NRG3: variants seen among roughly 807,000 people sequenced by gnomAD.
NRG3 encodes the protein pro-neuregulin-3, membrane-bound isoform.
In NRG3, 31 loss-of-function variants were observed where a neutral mutation model predicts 66.9. The observed-to-expected ratio is 0.46, with a 90% confidence interval of 0.35 to 0.63. The LOEUF (loss-of-function observed/expected upper bound fraction) is 0.63, where lower values mean the gene tolerates loss of function less well. Ranked by LOEUF, NRG3 falls within the 20% of genes least tolerant of loss-of-function variation. The probability of loss-of-function intolerance (pLI) is 0.00; values close to 1 mark genes in which losing one functional copy is unlikely to be tolerated. For missense variants in NRG3, 910 were observed against 878.9 expected, an observed-to-expected ratio of 1.04 and a Z score of -0.45; for synonymous variants, 393 against 359.4, an observed-to-expected ratio of 1.09 and a Z score of -1.06.
intron 4 of NRG3, among the ~76,000 whole-genome samples, chr10:82,874,157 G>A (rs953917094): frequency 6.6e-6 from 1 of 152,022 alleles, no homozygotes. Flanking sequence ...ATCCTCTTGT[G>A]TAAAGAAAAT....
intron 1 of NRG3, among the ~76,000 whole-genome samples, chr10:82,100,647 G>T (rs1338447122): frequency 6.6e-6 from 1 of 152,012 alleles, no homozygotes; most frequent in East Asian, 1.9e-4. Flanking sequence ...ATTTAACTTA[G>T]TCTCTTACTA....
intron 4 of NRG3, among the ~76,000 whole-genome samples, chr10:82,913,303 A>G (rs1422415250): frequency 6.6e-6 from 1 of 152,226 alleles, no homozygotes; most frequent in Non-Finnish European, 1.5e-5. Flanking sequence ...TCACTTATTC[A>G]TAAACTATAA....
chr10:82,006,983 G>A (rs2061396868), intron 1 of NRG3, among the ~76,000 whole-genome samples: 1 of 152,090 alleles, frequency 6.6e-6, no homozygotes, highest in African/African-American at 2.4e-5. Flanking sequence ...GATTTGGTTA[G>A]AATTGCTTTG....
At chr10:82,064,945 A>C (rs2064368042) in intron 1 of NRG3, among the ~76,000 whole-genome samples, 1 of 152,250 alleles carries the variant, frequency 6.6e-6, no homozygotes. Flanking sequence ...TGCACACATA[A>C]AGAATTTCAT....
intron 2 of NRG3, among the ~76,000 whole-genome samples, chr10:82,394,716 G>A (rs138817231): frequency 0.011 from 1,618 of 152,172 alleles, 22 homozygotes; most frequent in African/African-American, 0.035. Flanking sequence ...CAAACCATCC[G>A]TTACAAATTG....
intron 4 of NRG3, among the ~76,000 whole-genome samples, chr10:82,949,240 A>G (rs1055275095): frequency 6.6e-6 from 1 of 152,252 alleles, no homozygotes; most frequent in Non-Finnish European, 1.5e-5. Context: ...TTACTTAGTC[A>G]TGATGCACTA....
intron 1 of NRG3, among the ~76,000 whole-genome samples, chr10:81,899,510 A>G (rs142843976): frequency 1.3e-5 from 2 of 152,302 alleles, no homozygotes; most frequent in Admixed American, 6.5e-5. Flanking sequence ...GGGGTTGGGC[A>G]TTGTCCTCAC....
At chr10:82,892,361 C>G (rs1284937132) in intron 4 of NRG3, among the ~76,000 whole-genome samples, 1 of 151,956 alleles carries the variant, frequency 6.6e-6, no homozygotes, top group Admixed American at 6.6e-5. Context: ...AGAGAAAACA[C>G]ATAAAAGGAT....
intron 1 of NRG3, among the ~76,000 whole-genome samples, chr10:82,228,531 A>T (rs1027732238): frequency 1.1e-4 from 16 of 148,768 alleles, no homozygotes; most frequent in African/African-American, 3.9e-4. Context: ...GACTTTTTTC[A>T]TTTTTTTTTT....
intron 1 of NRG3, among the ~76,000 whole-genome samples, chr10:82,352,177 A>C (rs2083474935): frequency 6.6e-6 from 1 of 152,372 alleles, no homozygotes; most frequent in Admixed American, 6.5e-5. Context: ...TATTAGGAAT[A>C]CATATACCCA....
At chr10:82,543,735 T>G (rs2043704347) in intron 2 of NRG3, among the ~76,000 whole-genome samples, 1 of 152,212 alleles carries the variant, frequency 6.6e-6, no homozygotes, top group Non-Finnish European at 1.5e-5. Context: ...GATGAGGCTC[T>G]GAGAATTTGA....
chr10:82,971,637 A>G (rs903134576), intron 6 of NRG3, among the ~76,000 whole-genome samples: 1 of 151,942 alleles, frequency 6.6e-6, no homozygotes, highest in Admixed American at 6.6e-5. Flanking sequence ...GGGTTTCACC[A>G]TGTTTGCCAG....
chr10:82,311,947 A>G (rs763833707), intron 1 of NRG3, among the ~76,000 whole-genome samples: 1 of 152,192 alleles, frequency 6.6e-6, no homozygotes, highest in Non-Finnish European at 1.5e-5. Context: ...TTCTGGCTCT[A>G]TTACTTTGAA....
chr10:82,276,760 C>CA (rs1189999667), intron 1 of NRG3, among the ~76,000 whole-genome samples: 1 of 151,774 alleles, frequency 6.6e-6, no homozygotes, highest in Admixed American at 6.6e-5. Flanking sequence ...CCATTCAGGA[C>CA]AAAAAATGAC....
intron 1 of NRG3, among the ~76,000 whole-genome samples, chr10:82,124,569 G>A (rs530493142): frequency 6.6e-6 from 1 of 151,702 alleles, no homozygotes; most frequent in East Asian, 1.9e-4. Context: ...CTGTCGGGGG[G>A]TGGAGGGCAA....
chr10:82,218,034 T>C (rs1319293521), intron 1 of NRG3, among the ~76,000 whole-genome samples: 5 of 152,210 alleles, frequency 3.3e-5, no homozygotes, highest in Admixed American at 1.3e-4. Context: ...TCTAGTACTG[T>C]ATAATCTCAA....
At position 82,951,525 on chromosome 10, in the gene NRG3, A is replaced by G. The variant is rs771649605; in HGVS notation, c.1111A>G (p.Ile371Val). 6.2e-7 allele frequency: 1 copy of G among 1,613,964 alleles called. No individual in the cohort carries two copies. Among genetic ancestry groups the G allele is most frequent in the Admixed American group, 1.7e-5 (1 of 60,012 alleles). The change falls in exon 5 of 9, where the codon ATT becomes GTT. Residue 371 changes from isoleucine (I) to valine (V), a missense_variant. Coordinates refer to ENST00000372141, the MANE Select transcript of NRG3 (RefSeq NM_001010848.4). ...VLSISCIIFG[I>V]VIVGMFCAAF... Reference sequence around the variant, plus strand: ...GTCAATTTCATGTATCATCTTTGGAATTGTCATCGTGGGCATGTTCTGTGC... The same window carrying G: ...GTCAATTTCATGTATCATCTTTGGAGTTGTCATCGTGGGCATGTTCTGTGC...
chr10:81,950,427 G>T (rs1397301925), intron 1 of NRG3, among the ~76,000 whole-genome samples: 1 of 152,196 alleles, frequency 6.6e-6, no homozygotes, highest in Non-Finnish European at 1.5e-5. Flanking sequence ...CAGGCCCAGA[G>T]AGGTCAAGAA....
chr10:82,699,740 CT>C (rs758894879), intron 2 of NRG3, among the ~76,000 whole-genome samples: 8 of 152,096 alleles, frequency 5.3e-5, no homozygotes, highest in Non-Finnish European at 7.4e-5. Flanking sequence ...TCTCCCACCC[CT>C]ATGGTCCATG....
Sources: allele counts gnomAD v4.1 joint callset (sites outside exome capture counted in the v4.1 genomes callset), GRCh38; gene constraint gnomAD v4.1.1; transcripts MANE v1.5; gene names NCBI Gene and HGNC (gene_info 2026-07-23, HGNC 2026-07-21).